ABI3BP: variants seen among roughly 807,000 people sequenced by gnomAD.
ABI3BP encodes the protein ABI family member 3 binding protein, also known as target of Nesh-SH3.
Under a neutral mutation model 268.6 loss-of-function variants are expected in ABI3BP, and 216 were observed. The ratio of observed to expected loss-of-function variants is 0.80; its 90% CI spans 0.72 to 0.90. The LOEUF (loss-of-function observed/expected upper bound fraction) is 0.90. Ranked by LOEUF, ABI3BP falls within the 40% of genes least tolerant of loss-of-function variation. The pLI is 0.00. For synonymous variants in ABI3BP, 730 were observed against 730.0 expected (o/e 1.00, Z 0.00); for missense variants, 2,090 against 2,182.4 (o/e 0.96, Z 0.84).
At chr3:100,878,995 C>T (rs2099196727) in intron 6 of ABI3BP, among the ~76,000 whole-genome samples, 1 of 152,132 alleles carries the variant, frequency 6.6e-6, no homozygotes, top group Non-Finnish European at 1.5e-5. Context: ...CCATATCCAC[C>T]TCCTCACTTA....
At chr3:100,957,348 G>A (rs1431658743) in intron 1 of ABI3BP, among the ~76,000 whole-genome samples, 1 of 152,164 alleles carries the variant, frequency 6.6e-6, no homozygotes, top group Non-Finnish European at 1.5e-5. Flanking sequence ...AGTTGGGAAA[G>A]ACTACAGGAC....
intron 18 of ABI3BP, 126 bp from the exon 19 acceptor site, chr3:100,847,799 A>AGG: frequency 1.3e-6 from 1 of 766,568 alleles, no homozygotes; most frequent in South Asian, 1.6e-5. Context: ...ACAATGAGTA[A>AGG]AAGTTTTGAG....
chr3:100,794,826 T>C, intron 54 of ABI3BP, 97 bp downstream of exon 54: 1 of 869,744 alleles, frequency 1.1e-6, no homozygotes, highest in Non-Finnish European at 1.8e-6. Flanking sequence ...TAACCTATTA[T>C]TTAGAAAAAA....
rs1388348026 is a variant in ABI3BP, at chr3:100,794,970, G to A, written c.3899C>T (p.Pro1300Leu). 6.4e-7 allele frequency: 1 copy of A among 1,560,460 alleles called. No individual in the cohort carries two copies. Among genetic ancestry groups the A allele is most frequent in the Non-Finnish European group, 8.7e-7 (1 of 1,155,072 alleles). ...TTGACTAGGACTTGGGGAAATCATG[G>A]GTATAAAAGGGATGCCTCGTGTCTC... is the stretch of plus-strand genomic sequence containing the variant. ...PLETRGIPFI[P>L]MISPSPSQEE... The change falls in exon 54 of 68, where the codon CCC becomes CTC. Residue 1300 changes from proline to leucine, a missense_variant. Transcript: ENST00000471714.
rs898244154 is a variant in ABI3BP at position 100,749,809 on chromosome 3, G to T, written c.*686C>A. On this transcript the variant is annotated 3_prime_UTR_variant, in exon 68 of 68. Transcript: ENST00000471714. The stretch of plus-strand genomic sequence containing the variant: ...TGTAACATTTATGGTGGGTAAAAAT[G>T]TATCTTTTGAAACAATATATTAGAC... The T allele has an allele frequency of 5.0e-6, 2 of 397,406 alleles. No homozygotes were observed. Among genetic ancestry groups the T allele is most frequent in the African/African-American group, 4.1e-5 (2 of 48,542 alleles). The allele number at this position is 397,406 out of a possible 1,614,324, so 24.6% of individuals were successfully genotyped here. A position where few individuals can be genotyped will look rare whatever the true frequency, so the allele number is the denominator to read the frequency against.
chr3:100,823,444 T>C lies in ABI3BP; in HGVS notation c.2803+14A>G, dbSNP rs760787379. 1.3e-6 allele frequency: 2 copies of C among 1,526,552 alleles called. No homozygotes were observed. Among genetic ancestry groups the C allele is most frequent in the East Asian group, 2.5e-5 (1 of 40,742 alleles). The allele number at this position is 1,526,552 out of a possible 1,614,324, so 94.6% of individuals were successfully genotyped here. ...AGCAAAAGAAGCTTGTCGAAAACACTGTATCAACGTTACCTAATGTTGTTG... is the reference window on the plus strand; with the variant it reads ...AGCAAAAGAAGCTTGTCGAAAACACCGTATCAACGTTACCTAATGTTGTTG... On this transcript the variant is annotated intron_variant, in intron 37 of 67. Transcript: ENST00000471714.
intron 2 of ABI3BP, among the ~76,000 whole-genome samples, chr3:100,916,810 G>A (rs1016645413): frequency 3.3e-5 from 5 of 152,178 alleles, no homozygotes; most frequent in African/African-American, 1.2e-4. Flanking sequence ...ATCTCCAGTG[G>A]CAGAGAAAAG....
At chr3:100,830,308 A>G (rs1312874629) in intron 32 of ABI3BP, among the ~76,000 whole-genome samples, 2 of 151,550 alleles carry the variant, frequency 1.3e-5, no homozygotes, top group Non-Finnish European at 2.9e-5. Flanking sequence ...AAACTTAGTA[A>G]CAAAGAATGT....
chr3:100,824,744 G>T, intron 36 of ABI3BP, 114 bp downstream of exon 36: 1 of 809,928 alleles, frequency 1.2e-6, no homozygotes. Context: ...GATGCCTTAT[G>T]CCCTCGTGCT....
chr3:100,879,359 T>C (rs2099201839), intron 6 of ABI3BP, among the ~76,000 whole-genome samples: 1 of 152,228 alleles, frequency 6.6e-6, no homozygotes, highest in Admixed American at 6.5e-5. Context: ...GCAGAGGCTT[T>C]TGAATGGCCT....
chr3:100,885,286 A>G (rs1477685204), intron 6 of ABI3BP, among the ~76,000 whole-genome samples: 2 of 152,100 alleles, frequency 1.3e-5, no homozygotes, highest in African/African-American at 4.8e-5. Flanking sequence ...AAATACCCAG[A>G]ATACTAAAAT....
chr3:100,881,003 T>C (rs2153362838), intron 6 of ABI3BP, among the ~76,000 whole-genome samples: 1 of 152,262 alleles, frequency 6.6e-6, no homozygotes, highest in South Asian at 2.1e-4. Context: ...ACATGAGAAC[T>C]TGGGCATATT....
chr3:100,908,517 C>T (rs2054632447), intron 2 of ABI3BP, among the ~76,000 whole-genome samples: 1 of 151,156 alleles, frequency 6.6e-6, no homozygotes, highest in Non-Finnish European at 1.5e-5. Flanking sequence ...CCCATAATCT[C>T]AGCCCAAAAT....
At chr3:100,772,300 G>T (rs951351081) in intron 61 of ABI3BP, among the ~76,000 whole-genome samples, 1 of 152,176 alleles carries the variant, frequency 6.6e-6, no homozygotes, top group Non-Finnish European at 1.5e-5. Flanking sequence ...GCCACACAAA[G>T]TGATGAAAAG....
chr3:100,905,940 T>C (rs184262858), intron 2 of ABI3BP, among the ~76,000 whole-genome samples: 6 of 152,310 alleles, frequency 3.9e-5, no homozygotes, highest in South Asian at 2.1e-4. Context: ...ACATTTTTTT[T>C]CCATGTTTTT....
chr3:100,834,562 C>T (rs1046381254), intron 29 of ABI3BP, 122 bp downstream of exon 29: 1 of 832,676 alleles, frequency 1.2e-6, no homozygotes, highest in African/African-American at 1.7e-5. Context: ...GTAGCAGCTG[C>T]TTTCCATGAC....
chr3:100,974,857 C>T (rs1300689192), intron 1 of ABI3BP, among the ~76,000 whole-genome samples: 6 of 152,104 alleles, frequency 3.9e-5, no homozygotes, highest in African/African-American at 7.2e-5. Flanking sequence ...AAATAAGTCA[C>T]GGTTAGCTTT....
chr3:100,772,759 A>T (rs546000104), intron 61 of ABI3BP, among the ~76,000 whole-genome samples: 1 of 152,320 alleles, frequency 6.6e-6, no homozygotes, highest in South Asian at 2.1e-4. Flanking sequence ...CAATAGCCAT[A>T]TTAAATGTAA....
At chr3:100,911,924 G>A (rs1000360027) in intron 2 of ABI3BP, 1 of 1,267,742 alleles carries the variant, frequency 7.9e-7, no homozygotes, top group Non-Finnish European at 1.2e-6. Context: ...TGACATTGGA[G>A]AATATTTTCT....
Sources: gnomAD v4.1 joint callset for allele counts (sites outside exome capture counted in the v4.1 genomes callset) on GRCh38, gnomAD v4.1.1 for gene constraint, MANE v1.5 for transcripts, NCBI Gene and HGNC (gene_info 2026-07-23, HGNC 2026-07-21) for gene names.